Variants in CSMD1 observed in about 807,000 individuals in gnomAD.
CSMD1 encodes the protein CUB and sushi domain-containing protein 1.
In CSMD1, 213 loss-of-function variants were observed where a neutral mutation model predicts 417.5. The ratio of observed to expected loss-of-function variants is 0.51; its 90% CI spans 0.46 to 0.57. CSMD1 has a LOEUF of 0.57. Among genes scored for constraint, CSMD1 ranks in the 20% least tolerant of loss-of-function variants. The probability of loss-of-function intolerance (pLI) is 0.00; values close to 1 mark genes in which losing one functional copy is unlikely to be tolerated. For missense variants in CSMD1, 6,923 were observed against 4,529.7 expected (o/e 1.53, Z -15.17); for synonymous variants, 2,862 against 1,736.8 (o/e 1.65, Z -16.11).
intron 36 of CSMD1, among the ~76,000 whole-genome samples, chr8:3,182,725 C>A (rs1414084530): frequency 8.3e-6 from 1 of 120,992 alleles, no homozygotes. Context: ...GAGAAGGACT[C>A]TGGCTGTCTC....
At chr8:4,161,396 G>C (rs186758156) in intron 3 of CSMD1, among the ~76,000 whole-genome samples, 11 of 152,350 alleles carry the variant, frequency 7.2e-5, no homozygotes, top group South Asian at 2.1e-4. Flanking sequence ...AGGAATCTTA[G>C]AGGTAAACTT....
intron 2 of CSMD1, among the ~76,000 whole-genome samples, chr8:4,507,858 C>T (rs994743547): frequency 6.6e-6 from 1 of 152,090 alleles, no homozygotes; most frequent in Admixed American, 6.6e-5. Context: ...AAAAATTATA[C>T]ACTGGTCAAT....
intron 10 of CSMD1, among the ~76,000 whole-genome samples, chr8:3,529,958 C>T (rs2117502384): frequency 6.6e-6 from 1 of 152,194 alleles, no homozygotes; most frequent in Middle Eastern, 3.4e-3. Context: ...ATAAATTTGC[C>T]CACGAAATGA....
chr8:4,934,654 T>A (rs998954113), intron 1 of CSMD1, among the ~76,000 whole-genome samples: 1 of 152,058 alleles, frequency 6.6e-6, no homozygotes, highest in African/African-American at 2.4e-5. Flanking sequence ...TATTTATTGA[T>A]CAATTATTGA....
At chr8:4,810,939 T>C (rs1186154073) in intron 1 of CSMD1, among the ~76,000 whole-genome samples, 5 of 152,202 alleles carry the variant, frequency 3.3e-5, no homozygotes, top group Non-Finnish European at 7.3e-5. Context: ...GATTAAAGAA[T>C]GGCATAAAAT....
intron 26 of CSMD1, among the ~76,000 whole-genome samples, chr8:3,233,385 C>T (rs1585734332): frequency 6.6e-6 from 1 of 152,214 alleles, no homozygotes; most frequent in East Asian, 1.9e-4. Flanking sequence ...TCCCCACCAG[C>T]AAGAGGGCCA....
intron 2 of CSMD1, among the ~76,000 whole-genome samples, chr8:4,446,142 G>C (rs563699937): frequency 9.9e-4 from 151 of 152,264 alleles, no homozygotes; most frequent in Non-Finnish European, 1.8e-3. Context: ...ACATACGTGA[G>C]TTTTGAACTG....
rs373677601 is a variant in CSMD1, at chr8:3,639,318, C to T, written c.1010-22521G>A. 2.2e-4 allele frequency among the ~76,000 whole-genome samples: 33 copies of T among 152,212 alleles called. No individual in the cohort carries two copies. In the East Asian group the frequency reaches 5.2e-3, roughly 24 times the overall value. On this transcript the variant is annotated intron_variant, in intron 7 of 69. Coordinates refer to ENST00000635120, the MANE Select transcript of CSMD1 (RefSeq NM_033225.6). ...ACTATTTTTGCTTGGGGTGTTGTTT[C>T]ATTAAGAGAATCAGGAAAGTTTGGA...
intron 12 of CSMD1, among the ~76,000 whole-genome samples, chr8:3,415,831 T>C (rs534820990): frequency 6.6e-6 from 1 of 152,338 alleles, no homozygotes; most frequent in South Asian, 2.1e-4. Flanking sequence ...AACTTCTTTA[T>C]TGGTAAAATG....
chr8:4,205,253 C>T (rs1292615375), intron 3 of CSMD1, among the ~76,000 whole-genome samples: 1 of 152,156 alleles, frequency 6.6e-6, no homozygotes, highest in Non-Finnish European at 1.5e-5. Flanking sequence ...TACATTATAT[C>T]ATATTTTTGC....
At chr8:3,692,717 G>A (rs976327658) in intron 7 of CSMD1, among the ~76,000 whole-genome samples, 1 of 152,140 alleles carries the variant, frequency 6.6e-6, no homozygotes, top group African/African-American at 2.4e-5. Context: ...ACAGGCATAA[G>A]CCACCACGCC....
intron 3 of CSMD1, among the ~76,000 whole-genome samples, chr8:4,180,268 TC>T (rs1374665524): frequency 3.3e-5 from 5 of 151,960 alleles, no homozygotes; most frequent in Non-Finnish European, 7.4e-5. Context: ...TGAGTTCATG[TC>T]CTTTGTAGGG....
chr8:4,083,706 A>G (rs1281292975), intron 3 of CSMD1, among the ~76,000 whole-genome samples: 2 of 152,158 alleles, frequency 1.3e-5, no homozygotes, highest in Admixed American at 6.5e-5. Flanking sequence ...TGGATTAAAG[A>G]CTTAAACGTT....
intron 1 of CSMD1, among the ~76,000 whole-genome samples, chr8:4,721,246 A>C (rs928706803): frequency 6.6e-6 from 1 of 152,184 alleles, no homozygotes; most frequent in African/African-American, 2.4e-5. Flanking sequence ...CCTCATCCAT[A>C]TTTCCTCATG....
At chr8:3,392,985 A>G (rs1370034632) in intron 17 of CSMD1, among the ~76,000 whole-genome samples, 1 of 152,052 alleles carries the variant, frequency 6.6e-6, no homozygotes, top group African/African-American at 2.4e-5. Flanking sequence ...TTCCTGACTC[A>G]TTTTCTTACA....
chr8:4,164,970 A>C (rs1314596352), intron 3 of CSMD1, among the ~76,000 whole-genome samples: 1 of 152,092 alleles, frequency 6.6e-6, no homozygotes, highest in African/African-American at 2.4e-5. Flanking sequence ...GAGCAGTAGG[A>C]ATTTTTATAA....
intron 1 of CSMD1, among the ~76,000 whole-genome samples, chr8:4,804,893 G>A (rs1011968742): frequency 2.6e-5 from 4 of 152,082 alleles, no homozygotes; most frequent in Admixed American, 6.6e-5. Context: ...CTCTACATAT[G>A]CTTCCCTAAT....
In CSMD1 at chr8:4,559,171, G is replaced by T. The variant is rs569543270; in HGVS notation, c.302+78171C>A. Among the ~76,000 whole-genome samples the T allele has an allele frequency of 9.4e-4, 143 of 152,210 alleles. 1 individual carries two copies. The highest frequency in any genetic ancestry group is 3.4e-3 in the Middle Eastern group (1 of 294). On this transcript the variant is annotated intron_variant, in intron 2 of 69. Transcript: ENST00000635120. Reference sequence around the variant, plus strand: ...ATCAAGATCTGGTCTTTGTATTATTGTCAACTTATGAGCATATGCTGGCTT... The same window carrying T: ...ATCAAGATCTGGTCTTTGTATTATTTTCAACTTATGAGCATATGCTGGCTT...
At chr8:4,450,344 G>C (rs545629340) in intron 2 of CSMD1, among the ~76,000 whole-genome samples, 1 of 152,208 alleles carries the variant, frequency 6.6e-6, no homozygotes, top group East Asian at 1.9e-4. Context: ...AAGATATTTA[G>C]TAGCCGGGTG....
Sources: allele counts gnomAD v4.1 joint callset (sites outside exome capture counted in the v4.1 genomes callset), GRCh38; gene constraint gnomAD v4.1.1; transcripts MANE v1.5; gene names NCBI Gene and HGNC (gene_info 2026-07-23, HGNC 2026-07-21).